The following INSL6 variants were observed in gnomAD, a reference collection of about 807,000 sequenced individuals.
The protein encoded by INSL6 is insulin-like peptide INSL6.
In INSL6, 16 loss-of-function variants were observed where a neutral mutation model predicts 9.4. That is an observed-to-expected ratio of 1.70 (90% CI 1.15 to 2.59). The LOEUF (loss-of-function observed/expected upper bound fraction) is 2.59, where lower values mean the gene tolerates loss of function less well. Among genes scored for constraint, INSL6 ranks in the 30% most tolerant of loss-of-function variants. The pLI is 0.00. For missense variants in INSL6, 391 were observed against 257.3 expected (o/e 1.52, Z -3.56); for synonymous variants, 154 against 96.9 (o/e 1.59, Z -3.46).
At chr9:5,088,480 T>A in the INSL6 span, among the ~76,000 whole-genome samples, 1 of 152,196 alleles carries the variant, frequency 6.6e-6, no homozygotes, top group African/African-American at 2.4e-5. Flanking sequence ...TATAGCAACT[T>A]ACCAATTCTA....
At chr9:5,161,562 A>G (rs1824926861), downstream of INSL6, among the ~76,000 whole-genome samples, 2 of 152,224 alleles carry the variant, frequency 1.3e-5, no homozygotes, top group Non-Finnish European at 2.9e-5. Context: ...CTGTTATTCA[A>G]CATAGTACTG....
chr9:5,102,047 G>C, the INSL6 span, among the ~76,000 whole-genome samples: 1 of 152,190 alleles, frequency 6.6e-6, no homozygotes, highest in Non-Finnish European at 1.5e-5. Context: ...ACTTTGACGA[G>C]CTGACAGAAG....
chr9:5,031,583 G>A, the INSL6 span, among the ~76,000 whole-genome samples: 1 of 152,158 alleles, frequency 6.6e-6, no homozygotes, highest in South Asian at 2.1e-4. Flanking sequence ...TTAAAGATCA[G>A]ATTGATATGT....
chr9:5,009,867 C>G, the INSL6 span, among the ~76,000 whole-genome samples: 1 of 151,740 alleles, frequency 6.6e-6, no homozygotes, highest in African/African-American at 2.4e-5. Flanking sequence ...AACTCATAAG[C>G]TTAAGCCGTC....
At chr9:5,131,684 A>G (rs1824291888) in intron 3 of INSL6, among the ~76,000 whole-genome samples, 1 of 151,884 alleles carries the variant, frequency 6.6e-6, no homozygotes, top group Admixed American at 6.6e-5. Context: ...AGGTGATCCA[A>G]CCGCCTCAAC....
At chr9:5,107,738 G>C in the INSL6 span, among the ~76,000 whole-genome samples, 1 of 151,920 alleles carries the variant, frequency 6.6e-6, no homozygotes, top group African/African-American at 2.4e-5. Flanking sequence ...GTGCCTAGAA[G>C]GCATAATACT....
chr9:5,183,910 G>A (rs1165821957), intron 1 of INSL6, among the ~76,000 whole-genome samples: 1 of 152,196 alleles, frequency 6.6e-6, no homozygotes, highest in Non-Finnish European at 1.5e-5. Flanking sequence ...CTCAGAGTCG[G>A]TAAATTAACA....
chr9:5,103,386 A>G, the INSL6 span, among the ~76,000 whole-genome samples: 2 of 151,840 alleles, frequency 1.3e-5, 1 homozygote, highest in South Asian at 4.1e-4. Flanking sequence ...CTAAATATAT[A>G]GGTACCCAAT....
At chr9:5,142,284 A>G (rs1186690647) in intron 2 of INSL6, among the ~76,000 whole-genome samples, 1 of 152,192 alleles carries the variant, frequency 6.6e-6, no homozygotes, top group Non-Finnish European at 1.5e-5. Flanking sequence ...ATAACACTGA[A>G]TCTGTAGATT....
the INSL6 span, among the ~76,000 whole-genome samples, chr9:5,003,431 C>G: frequency 1.3e-5 from 2 of 151,946 alleles, no homozygotes; most frequent in African/African-American, 4.8e-5. Context: ...ACAGTTTTTA[C>G]AGATATTTCC....
chr9:5,046,549 T>C, the INSL6 span, among the ~76,000 whole-genome samples: 2 of 152,228 alleles, frequency 1.3e-5, no homozygotes, highest in Non-Finnish European at 2.9e-5. Flanking sequence ...CATTTAGGCA[T>C]TGGGTCCATT....
chr9:5,095,593 C>A, the INSL6 span, among the ~76,000 whole-genome samples: 16 of 152,120 alleles, frequency 1.1e-4, no homozygotes, highest in African/African-American at 3.6e-4. Context: ...GGGAACTTCT[C>A]TAATGTCTGG....
intron 1 of INSL6, among the ~76,000 whole-genome samples, chr9:5,165,442 CAT>C (rs768895428): frequency 1.6e-4 from 24 of 152,268 alleles, no homozygotes; most frequent in Non-Finnish European, 2.8e-4. Context: ...CAAAACTTGA[CAT>C]TTTCCATTTT....
intron 1 of INSL6, among the ~76,000 whole-genome samples, chr9:5,165,392 G>A (rs541898254): frequency 6.6e-6 from 1 of 152,264 alleles, no homozygotes; most frequent in South Asian, 2.1e-4. Flanking sequence ...TTCAATCCCA[G>A]CATCGGTACA....
the INSL6 span, among the ~76,000 whole-genome samples, chr9:5,118,330 C>A: frequency 1.3e-5 from 2 of 152,090 alleles, no homozygotes; most frequent in Non-Finnish European, 2.9e-5. Context: ...ATATGTTACA[C>A]TTTGTATTTG....
intron 2 of INSL6, among the ~76,000 whole-genome samples, chr9:5,138,035 T>C (rs944468298): frequency 6.6e-6 from 1 of 152,110 alleles, no homozygotes; most frequent in Admixed American, 6.5e-5. Flanking sequence ...CAATGAGATA[T>C]CATCTCATGC....
chr9:5,071,607 A>G, the INSL6 span, among the ~76,000 whole-genome samples: 1 of 152,218 alleles, frequency 6.6e-6, no homozygotes, highest in Admixed American at 6.5e-5. Context: ...GAAGAAATTA[A>G]GAATGCAGCA....
At chr9:5,054,482 G>C in the INSL6 span, 47 of 1,203,380 alleles carry the variant, frequency 3.9e-5, no homozygotes, top group Middle Eastern at 9.1e-4. The surrounding 1 kb of genome is among the most constrained non-coding windows in gnomAD (Gnocchi z 4.9). Context: ...GAAAAAGGTG[G>C]TAACTTCTTT....
chr9:5,008,004 C>G, the INSL6 span, among the ~76,000 whole-genome samples: 1 of 152,190 alleles, frequency 6.6e-6, no homozygotes, highest in Non-Finnish European at 1.5e-5. Flanking sequence ...GCTGGGATTA[C>G]AGGCATGAGC....
Sources: gnomAD v4.1 joint callset for allele counts (sites outside exome capture counted in the v4.1 genomes callset) on GRCh38, gnomAD v4.1.1 for gene constraint, Gnocchi (gnomAD v3.1) non-coding constraint, MANE v1.5 for transcripts, NCBI Gene and HGNC (gene_info 2026-07-23, HGNC 2026-07-21) for gene names.